LANCL3: variants seen among roughly 807,000 people sequenced by gnomAD.
LANCL3 encodes LanC like family member 3, also known as lanC-like protein 3.
A neutral mutation model predicts 26.5 loss-of-function variants in LANCL3; 19 were observed. That is an observed-to-expected ratio of 0.72 (90% confidence interval 0.50 to 1.05). The LOEUF is 1.05. Ranked by LOEUF, LANCL3 falls within the 50% of genes least tolerant of loss-of-function variation. The probability of loss-of-function intolerance (pLI) is 0.00; values close to 1 mark genes in which losing one functional copy is unlikely to be tolerated. For missense variants in LANCL3, 318 were observed against 362.7 expected (o/e 0.88, Z 1.00); for synonymous variants, 160 against 166.6 (o/e 0.96, Z 0.30).
rs782232004 is a variant in LANCL3 at position 37,671,795 on chromosome X, A to AT, written c.1104-3853dup. Among the ~76,000 whole-genome samples, 27 of 112,260 alleles carry AT rather than the reference A, an allele frequency of 2.4e-4. No individual in the cohort carries two copies. In the East Asian group the frequency reaches 5.6e-3, roughly 23 times the overall value. On this transcript the variant is annotated intron_variant, in intron 4 of 4. Transcript: ENST00000378619. ...ATTTAATGTTTAGAAAACATAAATT[A>AT]TTTTTTGTGATATTTACATGAATGC...
At chrX:37,652,454 G>A (rs1212205182) in intron 1 of LANCL3, among the ~76,000 whole-genome samples, 1 of 111,963 alleles carries the variant, frequency 8.9e-6, no homozygotes, top group East Asian at 2.8e-4. Context: ...TCAGTAAAGT[G>A]AATCAGTTAA....
chrX:37,606,444 T>C (rs1924717979), intron 1 of LANCL3, among the ~76,000 whole-genome samples: 1 of 112,337 alleles, frequency 8.9e-6, no homozygotes, highest in Admixed American at 9.4e-5. Flanking sequence ...AGCAGGCCTT[T>C]TTAAGAATAG....
intron 1 of LANCL3, among the ~76,000 whole-genome samples, chrX:37,603,556 GATGA>G (rs147750772): frequency 0.087 from 9,727 of 111,540 alleles, 463 homozygotes; most frequent in African/African-American, 0.17. Flanking sequence ...TCAATGAATT[GATGA>G]ATGAATGAAG....
intron 1 of LANCL3, among the ~76,000 whole-genome samples, chrX:37,620,977 A>T (rs3117498): frequency 1.8e-5 from 2 of 110,130 alleles, no homozygotes; most frequent in African/African-American, 6.7e-5. Flanking sequence ...TGGCCTGAAG[A>T]GCTGGAGAAG....
At chrX:37,576,759 TGGCAAAGGGGAG>T (rs1159668209) in intron 1 of LANCL3, among the ~76,000 whole-genome samples, 1 of 111,694 alleles carries the variant, frequency 9.0e-6, no homozygotes, top group African/African-American at 3.3e-5. Flanking sequence ...TGAGGACAGG[TGGCAAAGGGGAG>T]GGCTGCTGTT....
intron 1 of LANCL3, among the ~76,000 whole-genome samples, chrX:37,649,437 C>T (rs1411947344): frequency 9.1e-6 from 1 of 110,463 alleles, no homozygotes; most frequent in Non-Finnish European, 1.9e-5. Flanking sequence ...AGGAACAACA[C>T]ACACCAGGTC....
chrX:37,644,954 G>T (rs1020269835), intron 1 of LANCL3, among the ~76,000 whole-genome samples: 1 of 112,123 alleles, frequency 8.9e-6, no homozygotes, highest in African/African-American at 3.2e-5. Flanking sequence ...GTCAAACGTT[G>T]GGAACTGCTT....
chrX:37,587,890 C>T (rs1375933009), intron 1 of LANCL3, among the ~76,000 whole-genome samples: 9 of 112,372 alleles, frequency 8.0e-5, no homozygotes, highest in African/African-American at 1.6e-4. Context: ...GCATCTCTCA[C>T]GCTGGGAGCT....
intron 1 of LANCL3, among the ~76,000 whole-genome samples, chrX:37,578,979 C>CT (rs1400020948): frequency 1.5e-3 from 110 of 73,919 alleles, no homozygotes; most frequent in African/African-American, 5.6e-3. Flanking sequence ...GACTCCATCT[C>CT]TAAAAAAAAA....
At chrX:37,608,043 A>G (rs781851637) in intron 1 of LANCL3, among the ~76,000 whole-genome samples, 1 of 112,352 alleles carries the variant, frequency 8.9e-6, no homozygotes, top group Non-Finnish European at 1.9e-5. Context: ...CCATATGCCA[A>G]GATATTACAG....
chrX:37,612,004 G>A (rs1441306984), intron 1 of LANCL3, among the ~76,000 whole-genome samples: 1 of 110,350 alleles, frequency 9.1e-6, no homozygotes, highest in African/African-American at 3.3e-5. Context: ...ACAGTGGCAC[G>A]ATCTCGGCTC....
chrX:37,611,290 G>T (rs782291189), intron 1 of LANCL3, among the ~76,000 whole-genome samples: 12 of 111,601 alleles, frequency 1.1e-4, no homozygotes, highest in Non-Finnish European at 2.3e-4. Context: ...AAAGCAGAGT[G>T]CTGATTAGCC....
chrX:37,649,450 G>T (rs1232163398), intron 1 of LANCL3, among the ~76,000 whole-genome samples: 2 of 110,744 alleles, frequency 1.8e-5, no homozygotes, highest in African/African-American at 3.3e-5. Flanking sequence ...ACCAGGTCCT[G>T]TTGGGGGATG....
chrX:37,630,584 T>G (rs1323636812), intron 1 of LANCL3, among the ~76,000 whole-genome samples: 116 of 108,613 alleles, frequency 1.1e-3, no homozygotes, highest in Non-Finnish European at 2.0e-3. Context: ...ATTGGCTGTG[T>G]GTTTGTCATA....
chrX:37,586,974 G>A (rs782692112), intron 1 of LANCL3, among the ~76,000 whole-genome samples: 2 of 112,214 alleles, frequency 1.8e-5, no homozygotes, highest in Non-Finnish European at 3.8e-5. Flanking sequence ...ATGGGGTTTT[G>A]GTGTGGATGT....
At chrX:37,648,202 G>A (rs1926035844) in intron 1 of LANCL3, among the ~76,000 whole-genome samples, 1 of 112,138 alleles carries the variant, frequency 8.9e-6, no homozygotes. Context: ...AGAAACCAAA[G>A]CCACGATAGT....
rs1161005236 is a variant in LANCL3 at position 37,659,604 on chromosome X, C to T, written c.840C>T (p.Leu280=). The change falls in exon 3 of 5, where the codon CTC becomes CTT. Residue 280 remains leucine, a synonymous_variant. Coordinates refer to ENST00000378619, the MANE Select transcript of LANCL3 (RefSeq NM_001170331.2). ...QEQNCNWPPE[L]GETIERENEL... Reference sequence around the variant, plus strand: ...AAAACTGCAACTGGCCACCTGAGCTCGGCGAGACCATCGAGAGAGAGAATG... The same window carrying T: ...AAAACTGCAACTGGCCACCTGAGCTTGGCGAGACCATCGAGAGAGAGAATG... 6.6e-6 allele frequency: 8 copies of T among 1,208,193 alleles called. No homozygotes were observed. Among genetic ancestry groups the T allele is most frequent in the African/African-American group, 1.8e-5 (1 of 56,641 alleles).
chrX:37,602,970 G>A (rs1924610877), intron 1 of LANCL3, among the ~76,000 whole-genome samples: 1 of 111,987 alleles, frequency 8.9e-6, no homozygotes, highest in Non-Finnish European at 1.9e-5. Context: ...GTGTTGTGTA[G>A]ATTTTAGAAT....
chrX:37,592,740 A>G (rs1430615411), intron 1 of LANCL3, among the ~76,000 whole-genome samples: 1 of 112,226 alleles, frequency 8.9e-6, no homozygotes, highest in Non-Finnish European at 1.9e-5. Context: ...TTAATTAGAA[A>G]TGTCTAACCT....
Sources: allele counts gnomAD v4.1 joint callset (sites outside exome capture counted in the v4.1 genomes callset), GRCh38; gene constraint gnomAD v4.1.1; transcripts MANE v1.5; gene names NCBI Gene and HGNC (gene_info 2026-07-23, HGNC 2026-07-21).